TRPM3: variants seen among roughly 807,000 people sequenced by gnomAD.
TRPM3 encodes the protein transient receptor potential cation channel subfamily M member 3, also known as long transient receptor potential channel 3.
TRPM3 carries 77 observed loss-of-function variants against 181.2 expected under a neutral mutation model. That is an observed-to-expected ratio of 0.42 (90% confidence interval 0.35 to 0.51). The LOEUF is 0.51. TRPM3 is among the 20% of genes least tolerant of loss of function. The pLI is 0.01. For missense variants in TRPM3, 1,759 were observed against 2,196.7 expected (o/e 0.80, Z 3.98); for synonymous variants, 745 against 796.4 (o/e 0.94, Z 1.09).
Position 71,129,554 on chromosome 9 carries a change from G to A in TRPM3, c.184-265043C>T, listed in dbSNP as rs1392305719. Among the ~76,000 whole-genome samples the A allele has an allele frequency of 3.9e-5, 6 of 152,146 alleles. 1 individual carries two copies. The East Asian group carries it at 5.8e-4, about 15-fold the overall frequency. ...ATTGTTATCCCAGTATTACAGATGAGGAAATAGCCTCAGACTGGTTAAGAA... is the reference window on the plus strand; with the variant it reads ...ATTGTTATCCCAGTATTACAGATGAAGAAATAGCCTCAGACTGGTTAAGAA... On this transcript the variant is annotated intron_variant, in intron 1 of 24. Coordinates refer to the TRPM3 transcript ENST00000357533.
In TRPM3 at chr9:71,116,740, CA is replaced by C. The variant is rs898678459; in HGVS notation, c.177+4437del. On this transcript the variant is annotated intron_variant, in intron 1 of 25. Transcript: ENST00000677713. ...TTTGGGCTTTTGACTAGATTCCCCC[CA>C]AAAAAAAAATTAAAAAGGGAATTTA... Among the ~76,000 whole-genome samples, 235 of 145,974 alleles carry C rather than the reference CA, an allele frequency of 1.6e-3. 5 individuals are homozygous for C. The highest frequency in any genetic ancestry group is 0.013 in the Admixed American group (187 of 14,632).
rs770552073 is a variant in TRPM3, at chr9:70,536,558, T to C, written c.4555A>G (p.Thr1519Ala). Residue 1519 changes from threonine (T) to alanine (A), a missense_variant, in exon 26 of 26, where the codon ACC (threonine) becomes GCC (alanine). Physicochemically the swap from Thr to Ala is moderately conservative, Grantham distance 58 (BLOSUM62 0). This residue lies in a region of TRPM3 where 612 missense variants were observed against 590.0 expected (regional missense o/e 1.04). Coordinates refer to ENST00000677713, the MANE Select transcript of TRPM3 (RefSeq NM_001366145.2). The stretch of plus-strand genomic sequence containing the variant: ...GCCTCTTCTAGAAGAAAGGGTGTGG[T>C]GGCTAGGTAGCGGCTACTTTTGGAA... ...ERSKSSRYLA[T>A]TPFLLEEAPI... 3 of 1,614,140 alleles carry C rather than the reference T, an allele frequency of 1.9e-6. No individual in the cohort carries two copies. The South Asian group carries it at 3.3e-5, about 18-fold the overall frequency.
At chr9:70,592,982 G>A (rs949038109) in intron 21 of TRPM3, among the ~76,000 whole-genome samples, 5 of 151,998 alleles carry the variant, frequency 3.3e-5, no homozygotes, top group African/African-American at 9.7e-5. Flanking sequence ...CACCCGCCTC[G>A]GCCTCCCAAA....
intron 1 of TRPM3, among the ~76,000 whole-genome samples, chr9:71,069,261 C>T (rs1482347342): frequency 6.6e-6 from 1 of 152,182 alleles, no homozygotes; most frequent in Non-Finnish European, 1.5e-5. Context: ...CGGCCCACCT[C>T]TGCCTCACAG....
chr9:71,384,898 T>C (rs1177443860), intron 1 of TRPM3, among the ~76,000 whole-genome samples: 1 of 152,184 alleles, frequency 6.6e-6, no homozygotes, highest in Non-Finnish European at 1.5e-5. Context: ...AGGCATTCAT[T>C]CTTCAGTTAA....
rs562862188 is a variant in TRPM3, at chr9:70,653,693, A to AC, written c.1346-13034_1346-13033insG. Among the ~76,000 whole-genome samples the AC allele has an allele frequency of 1.3e-3, 199 of 150,710 alleles. 2 individuals carry two copies. The South Asian group carries it at 0.019, about 14-fold the overall frequency. On this transcript the variant is annotated intron_variant, in intron 9 of 25. Transcript: ENST00000677713. ...TTCCTGTCTCAAAAAAAAAAAAAAA[A>AC]AAAAAAACAAACCAAACAAATGTTC... is the stretch of plus-strand genomic sequence containing the variant.
rs763146213 is a variant in TRPM3 at position 70,549,586 on chromosome 9, C to T, written c.3663G>A (p.Arg1221=). The T allele has an allele frequency of 6.2e-7, 1 of 1,613,814 alleles. No individual in the cohort carries two copies. ...TCCTCTCATCATTAGATGAGTTGAA[C>T]CGATCATCCTTTTCTCTGAAGTATT... The part of the protein sequence containing the change: ...IEEYFREKDD[R]FNSSNDERIR... The change falls in exon 25 of 26, where the codon CGG becomes CGA. Residue 1221 remains arginine, a synonymous_variant. Coordinates refer to ENST00000677713, the MANE Select transcript of TRPM3 (RefSeq NM_001366145.2).
At chr9:71,022,944 G>T (rs1393751718) in intron 1 of TRPM3, among the ~76,000 whole-genome samples, 2 of 152,026 alleles carry the variant, frequency 1.3e-5, no homozygotes, top group African/African-American at 2.4e-5. Context: ...GCTAGGCAAT[G>T]AATTCTAGCC....
upstream of TRPM3, among the ~76,000 whole-genome samples, chr9:71,122,314 G>C (rs2073738617): frequency 1.3e-5 from 2 of 152,212 alleles, no homozygotes; most frequent in African/African-American, 4.8e-5. Context: ...CCTGTGGTGA[G>C]AGAGAGAATT....
At chr9:70,594,356 G>A (rs2058643790) in intron 21 of TRPM3, among the ~76,000 whole-genome samples, 1 of 152,056 alleles carries the variant, frequency 6.6e-6, no homozygotes, top group South Asian at 2.1e-4. Context: ...TTTGAATCCT[G>A]TTATTGTCCC....
rs372832192 is a variant in TRPM3, at chr9:70,643,163, A to G, written c.1346-2503T>C. 3.9e-5 allele frequency among the ~76,000 whole-genome samples: 6 copies of G among 152,230 alleles called. No homozygotes were observed. In the East Asian group the frequency reaches 7.7e-4, roughly 20 times the overall value. Reference sequence around the variant, plus strand: ...GGGACTGCACACTCATACCAGGGTAACTGGCATACACAAGTGATAAGTAGA... The same window carrying G: ...GGGACTGCACACTCATACCAGGGTAGCTGGCATACACAAGTGATAAGTAGA... On this transcript the variant is annotated intron_variant, in intron 9 of 25. Transcript: ENST00000677713.
At chr9:71,266,293 A>G (rs2083387240) in intron 1 of TRPM3, among the ~76,000 whole-genome samples, 2 of 152,220 alleles carry the variant, frequency 1.3e-5, no homozygotes, top group African/African-American at 4.8e-5. Flanking sequence ...TATCAAAACA[A>G]AGAAAAATTA....
At chr9:70,993,926 C>A (rs2097517792) in intron 1 of TRPM3, among the ~76,000 whole-genome samples, 1 of 151,870 alleles carries the variant, frequency 6.6e-6, no homozygotes, top group South Asian at 2.1e-4. Context: ...AGGCAAATTG[C>A]AAGAACCTGG....
At chr9:71,321,522 C>CAT (rs2089222768) in intron 1 of TRPM3, among the ~76,000 whole-genome samples, 2 of 152,168 alleles carry the variant, frequency 1.3e-5, no homozygotes. Context: ...GGCATTCATA[C>CAT]ATGAGACTTC....
chr9:71,070,817 C>G (rs534801360), intron 1 of TRPM3, among the ~76,000 whole-genome samples: 63 of 152,326 alleles, frequency 4.1e-4, no homozygotes, highest in African/African-American at 1.4e-3. Flanking sequence ...GCAGCACTCT[C>G]TATCCTAGAG....
rs943905960 is a variant in TRPM3 at position 71,437,890 on chromosome 9, A to C, written c.183+8763T>G. 3.3e-5 allele frequency among the ~76,000 whole-genome samples: 5 copies of C among 151,434 alleles called. 1 individual carries two copies. Among genetic ancestry groups the C allele is most frequent in the Non-Finnish European group, 7.4e-5 (5 of 67,906 alleles). Reference sequence around the variant, plus strand: ...AAAAAAAAAAAAAAAAGAAAAAAAAACCCTAAAACATTTACTATTTGGCTC... The same window carrying C: ...AAAAAAAAAAAAAAAAGAAAAAAAACCCCTAAAACATTTACTATTTGGCTC... On this transcript the variant is annotated intron_variant, in intron 1 of 24. Coordinates refer to the TRPM3 transcript ENST00000357533.
At chr9:71,127,456 C>G (rs959503969) in intron 1 of TRPM3, among the ~76,000 whole-genome samples, 1 of 152,156 alleles carries the variant, frequency 6.6e-6, no homozygotes. Flanking sequence ...TTCATCTTCC[C>G]TATCTTTATC....
intron 1 of TRPM3, among the ~76,000 whole-genome samples, chr9:71,230,896 C>A (rs1316028371): frequency 6.6e-6 from 1 of 152,082 alleles, no homozygotes; most frequent in Non-Finnish European, 1.5e-5. Flanking sequence ...GGCTTCTGGG[C>A]TGTCTATCTT....
Position 70,615,922 on chromosome 9 carries a change from C to T in TRPM3, c.2512G>A (p.Asp838Asn), listed in dbSNP as rs1268635142. 2 of 1,603,658 alleles carry T rather than the reference C, an allele frequency of 1.2e-6. No individual in the cohort carries two copies. The highest frequency in any genetic ancestry group is 1.1e-5 in the South Asian group (1 of 88,410). The part of the protein sequence containing the change: ...EKPTKEKEEE[D>N]MELTAMLGRN... ...TGTTTTCTTACTGTGAGCTCCATGT[C>T]CTCTTCCTCTTTTTCCTTTGTGGGC... Residue 838 changes from aspartate to asparagine, a missense_variant, in exon 18 of 26, where the codon GAC (aspartate) becomes AAC (asparagine). Around this residue, in one of 8 missense-constraint regions of TRPM3, gnomAD observed 114 missense variants for 134.8 expected, o/e 0.85. Coordinates refer to ENST00000677713, the MANE Select transcript of TRPM3 (RefSeq NM_001366145.2).
Sources: allele counts gnomAD v4.1 joint callset (sites outside exome capture counted in the v4.1 genomes callset), GRCh38; gene constraint gnomAD v4.1.1; regional missense constraint gnomAD v4.1.1; transcripts MANE v1.5; gene names NCBI Gene and HGNC (gene_info 2026-07-23, HGNC 2026-07-21).